Variants in SLC9C1 observed in about 807,000 individuals in gnomAD.
SLC9C1 encodes sodium/hydrogen exchanger 10.
Under a neutral mutation model 140.9 loss-of-function variants are expected in SLC9C1, and 97 were observed. The ratio of observed to expected loss-of-function variants is 0.69; its 90% CI spans 0.58 to 0.82. The LOEUF is 0.82. Among genes scored for constraint, SLC9C1 ranks in the 40% least tolerant of loss-of-function variants. SLC9C1 has a pLI of 0.00. For missense variants in SLC9C1, 1,340 were observed against 1,389.3 expected, an observed-to-expected ratio of 0.96 and a Z score of 0.56; for synonymous variants, 440 against 442.6, an observed-to-expected ratio of 0.99 and a Z score of 0.07.
At chr3:112,230,160 T>A (rs573585669) in intron 13 of SLC9C1, among the ~76,000 whole-genome samples, 101 of 152,320 alleles carry the variant, frequency 6.6e-4, no homozygotes, top group Middle Eastern at 3.4e-3. Context: ...TCTGAAATCC[T>A]GGTCTAGATG....
At chr3:112,237,416 C>T (rs888038881) in intron 12 of SLC9C1, among the ~76,000 whole-genome samples, 6 of 152,130 alleles carry the variant, frequency 3.9e-5, no homozygotes, top group African/African-American at 1.4e-4. Flanking sequence ...ATCCAATTTG[C>T]CAGTCTGTGT....
At chr3:112,186,647 A>C (rs1188121061) in intron 20 of SLC9C1, among the ~76,000 whole-genome samples, 2 of 152,220 alleles carry the variant, frequency 1.3e-5, no homozygotes, top group African/African-American at 4.8e-5. Flanking sequence ...AAAATTAGTC[A>C]AAATAGTCTT....
chr3:112,232,402 C>A (rs1430303318), intron 12 of SLC9C1, among the ~76,000 whole-genome samples: 2 of 152,112 alleles, frequency 1.3e-5, no homozygotes, highest in Non-Finnish European at 2.9e-5. Flanking sequence ...GACAAGTCAG[C>A]AAAAGTTCAC....
intron 25 of SLC9C1, 27 bp downstream of exon 25, chr3:112,168,850 T>C: frequency 6.5e-7 from 1 of 1,536,342 alleles, no homozygotes; most frequent in East Asian, 2.3e-5. Flanking sequence ...CATATTGATC[T>C]GAAGACAGGA....
chr3:112,266,426 T>C, intron 7 of SLC9C1, 86 bp from the exon 8 acceptor site: 1 of 1,039,974 alleles, frequency 9.6e-7, no homozygotes, highest in Non-Finnish European at 1.4e-6. Context: ...TATCAGATGT[T>C]GTGACAGTAC....
In SLC9C1 at chr3:112,179,409, T is replaced by G. The variant is rs1373061209; in HGVS notation, c.2919+122A>C. 2.7e-6 allele frequency: 3 copies of G among 1,123,178 alleles called. No homozygotes were observed. The African/African-American group carries it at 4.9e-5, about 18-fold the overall frequency. 69.6% of individuals were successfully genotyped at this position (1,123,178 alleles called of 1,614,324 possible). A position where few individuals can be genotyped will look rare whatever the true frequency, so the allele number is the denominator to read the frequency against. ...TTCGGCAAGTTTTGTTCCTTTATAA[T>G]TCCTAGTTTTTAAAAGTAAATTGTC... On this transcript the variant is annotated intron_variant, in intron 23 of 28. Transcript: ENST00000305815.
At chr3:112,212,089 C>A (rs993377495) in intron 15 of SLC9C1, among the ~76,000 whole-genome samples, 3 of 152,230 alleles carry the variant, frequency 2.0e-5, no homozygotes, top group Non-Finnish European at 4.4e-5. Context: ...GATACCCAGG[C>A]AAACAGGGTC....
rs200437815 is a variant in SLC9C1 at position 112,183,349 on chromosome 3, C to CTTTTTTTTTTTTTTTTT, written c.2524-1108_2524-1092dup. Among the ~76,000 whole-genome samples, 854 of 95,220 alleles carry CTTTTTTTTTTTTTTTTT rather than the reference C, an allele frequency of 9.0e-3. 144 individuals carry two copies. Among genetic ancestry groups the CTTTTTTTTTTTTTTTTT allele is most frequent in the African/African-American group, 0.021 (417 of 20,314 alleles). The allele number at this position is 95,220 out of a possible 152,430, so 62.5% of individuals were successfully genotyped here. On this transcript the variant is annotated intron_variant, in intron 20 of 28. Coordinates refer to ENST00000305815, the MANE Select transcript of SLC9C1 (RefSeq NM_183061.3). Reference sequence around the variant, plus strand: ...ACGACAATGATATTTAGCACCTTTTCTTTTTTTTTTTTTTTTTTTTTCAGC... The same window carrying CTTTTTTTTTTTTTTTTT: ...ACGACAATGATATTTAGCACCTTTTCTTTTTTTTTTTTTTTTTTTTTTTTTTTTTTTTTTTTTTCAGC...
chr3:112,149,922 C>G (rs2074909231), intron 28 of SLC9C1, among the ~76,000 whole-genome samples: 1 of 152,158 alleles, frequency 6.6e-6, no homozygotes, highest in Admixed American at 6.5e-5. Context: ...AAGGGCCCCA[C>G]TGCACCACAA....
chr3:112,152,611 T>C (rs1398775367), intron 27 of SLC9C1, among the ~76,000 whole-genome samples: 1 of 152,080 alleles, frequency 6.6e-6, no homozygotes, highest in East Asian at 1.9e-4. Context: ...GTCAGGTCTT[T>C]CCCTTCCCAT....
Position 112,169,274 on chromosome 3 carries a change from G to A in SLC9C1, c.2974C>T (p.Leu992Phe). 6.2e-7 allele frequency: 1 copy of A among 1,613,484 alleles called. No individual in the cohort carries two copies. Among genetic ancestry groups the A allele is most frequent in the East Asian group, 2.2e-5 (1 of 44,776 alleles). Residue 992 changes from leucine to phenylalanine, a missense_variant, in exon 24 of 29, where the codon CTC becomes TTC. Transcript: ENST00000305815. Reference protein sequence around the residue: ...LYDAFEQCSPLIKQKMWLKLG... With the variant: ...LYDAFEQCSPFIKQKMWLKLG... ...TTTAGCCACATTTTTTGTTTAATGA[G>A]AGGAGAGCATTGCTCAAAAGCATCA...
At position 112,179,655 on chromosome 3, in the gene SLC9C1, G is replaced by A. The variant is rs144906799; in HGVS notation, c.2795C>T (p.Ser932Leu). 299 of 1,611,146 alleles carry A rather than the reference G, an allele frequency of 1.9e-4. No homozygotes were observed. Among genetic ancestry groups the A allele is most frequent in the Admixed American group, 3.7e-4 (22 of 59,598 alleles). Residue 932 changes from serine (S) to leucine (L), a missense_variant, in exon 23 of 29, where the codon TCA becomes TTA. Coordinates refer to ENST00000305815, the MANE Select transcript of SLC9C1 (RefSeq NM_183061.3). ...AATTATCGGAAAATCTTTCTCCTTTGACTCCACCATTTGATCAATCCCTAA... is the reference window on the plus strand; with the variant it reads ...AATTATCGGAAAATCTTTCTCCTTTAACTCCACCATTTGATCAATCCCTAA... ...PGLGIDQMVE[S>L]KEKDFPIIDT... is the part of the protein sequence containing the mutation.
intron 12 of SLC9C1, among the ~76,000 whole-genome samples, chr3:112,239,088 G>C (rs1203290328): frequency 6.6e-6 from 1 of 152,222 alleles, no homozygotes; most frequent in Admixed American, 6.5e-5. Context: ...GCCTCCTTGA[G>C]CTGCAGTGGG....
In SLC9C1 at chr3:112,217,487, A is replaced by G. The variant is rs1460864022; in HGVS notation, c.1745T>C (p.Leu582Pro). The G allele has an allele frequency of 6.2e-7, 1 of 1,610,620 alleles. No individual in the cohort carries two copies. The highest frequency in any genetic ancestry group is 8.5e-7 in the Non-Finnish European group (1 of 1,178,840). The change falls in exon 15 of 29, where the codon CTT (leucine) becomes CCT (proline). Residue 582 changes from leucine to proline, a missense_variant. Transcript: ENST00000305815. ...CTTTCTGGTATTATACACCCAATTAAGTAGTAGTTTTCTAGCAAAGGTAAC... is the reference window on the plus strand; with the variant it reads ...CTTTCTGGTATTATACACCCAATTAGGTAGTAGTTTTCTAGCAAAGGTAAC... The part of the protein sequence containing the change: ...KTVTFARKLL[L>P]NWVYNTRKEK...
intron 16 of SLC9C1, among the ~76,000 whole-genome samples, chr3:112,205,860 G>T (rs2078032715): frequency 1.1e-5 from 1 of 93,310 alleles, no homozygotes; most frequent in Non-Finnish European, 2.2e-5. Flanking sequence ...ATTCAAGATG[G>T]ATTAAAGACT....
chr3:112,272,108 T>A (rs184690346), intron 6 of SLC9C1, among the ~76,000 whole-genome samples: 103 of 152,316 alleles, frequency 6.8e-4, no homozygotes, highest in Admixed American at 1.4e-3. Flanking sequence ...CTAGGCCACA[T>A]GAGCTCTAGG....
chr3:112,161,248 T>C (rs960814397), intron 26 of SLC9C1, among the ~76,000 whole-genome samples: 1 of 152,220 alleles, frequency 6.6e-6, no homozygotes, highest in African/African-American at 2.4e-5. Flanking sequence ...GTAGTTTCTT[T>C]TGCTGTGCGG....
intron 10 of SLC9C1, among the ~76,000 whole-genome samples, chr3:112,249,491 A>C (rs905492589): frequency 6.6e-6 from 1 of 152,032 alleles, no homozygotes; most frequent in Non-Finnish European, 1.5e-5. Flanking sequence ...GTTAGAGAGG[A>C]GTCTATTCTA....
At chr3:112,250,751 T>C (rs1314100836) in intron 10 of SLC9C1, among the ~76,000 whole-genome samples, 1 of 152,154 alleles carries the variant, frequency 6.6e-6, no homozygotes, top group Non-Finnish European at 1.5e-5. Context: ...TAACCGGTGC[T>C]GGCAAGTTTG....
Sources: gnomAD v4.1 joint callset for allele counts (sites outside exome capture counted in the v4.1 genomes callset) on GRCh38, gnomAD v4.1.1 for gene constraint, MANE v1.5 for transcripts, NCBI Gene and HGNC (gene_info 2026-07-23, HGNC 2026-07-21) for gene names.